Variants in FSCN2 observed in about 807,000 individuals in gnomAD.
FSCN2 encodes fascin actin-bundling protein 2, retinal.
In FSCN2, 46 loss-of-function variants were observed where a neutral mutation model predicts 37.8. The ratio of observed to expected loss-of-function variants is 1.22; its 90% CI spans 0.96 to 1.56. The LOEUF (loss-of-function observed/expected upper bound fraction) is 1.56. Ranked by LOEUF, FSCN2 falls within the 40% of genes most tolerant of loss-of-function variation. The pLI, the probability that FSCN2 is intolerant of heterozygous loss-of-function variation, is 0.00. For synonymous variants in FSCN2, 351 were observed against 309.4 expected, an observed-to-expected ratio of 1.13 and a Z score of -1.41; for missense variants, 844 against 730.4, an observed-to-expected ratio of 1.16 and a Z score of -1.79.
In FSCN2 at chr17:81,536,622, G is replaced by C; in HGVS notation, c.1106G>C (p.Gly369Ala). 3 of 1,608,934 alleles carry C rather than the reference G, an allele frequency of 1.9e-6. No individual in the cohort carries two copies. Among genetic ancestry groups the C allele is most frequent in the Non-Finnish European group, 2.5e-6 (3 of 1,179,652 alleles). ...GQLAAISDFV[G>A]KDEEFTLKLI... ...GCGCAGCAGACGCTCTCCCCGCCAG[G>C]CAAGGACGAAGAGTTCACCCTCAAG... The change falls in exon 4 of 5, where the codon GGC becomes GCC. Residue 369 changes from glycine (G) to alanine (A), a missense_variant and splice_region_variant. Transcript: ENST00000417245.
At chr17:81,524,471 G>T (rs2032289312), upstream of FSCN2, among the ~76,000 whole-genome samples, 1 of 152,244 alleles carries the variant, frequency 6.6e-6, no homozygotes, top group East Asian at 1.9e-4. Context: ...TCAGAGGTGG[G>T]CGAGGGTGGG....
the FSCN2 span, among the ~76,000 whole-genome samples, chr17:81,516,900 A>G: frequency 4.6e-3 from 699 of 151,852 alleles, 1 homozygote; most frequent in South Asian, 0.017. Flanking sequence ...GTTTTGTCCA[A>G]TTCTCACCTG....
In FSCN2 at chr17:81,536,605, G is replaced by T; in HGVS notation, c.1106-17G>T. ...AGGTGGCGGGAGGGGCAGCGCAGCA[G>T]ACGCTCTCCCCGCCAGGCAAGGACG... On this transcript the variant is annotated splice_polypyrimidine_tract_variant and intron_variant, in intron 3 of 4. Coordinates refer to ENST00000417245, the MANE Select transcript of FSCN2 (RefSeq NM_012418.4). 1.2e-6 allele frequency: 2 copies of T among 1,606,814 alleles called. No homozygotes were observed. Among genetic ancestry groups the T allele is most frequent in the Non-Finnish European group, 1.7e-6 (2 of 1,179,540 alleles).
Position 81,535,054 on chromosome 17 carries a change from G to A in FSCN2, c.829G>A (p.Val277Ile), listed in dbSNP as rs181420326. Residue 277 changes from valine (V) to isoleucine (I), a missense_variant and splice_region_variant, in exon 2 of 5, where the codon GTC (valine) becomes ATC (isoleucine). Coordinates refer to ENST00000417245, the MANE Select transcript of FSCN2 (RefSeq NM_012418.4). ...GCTTCCCCATCTCCTCCCTCCAGGG[G>A]TCAACGTCTCAGCCAATCAGGATGA... Reference protein sequence around the residue: ...NHRYVSVRQGVNVSANQDDEL... With the variant: ...NHRYVSVRQGINVSANQDDEL... 1.2e-3 allele frequency: 1,766 copies of A among 1,528,232 alleles called. 1 individual carries two copies. The highest frequency in any genetic ancestry group is 1.5e-3 in the Non-Finnish European group (1,658 of 1,142,562). 94.7% of individuals were successfully genotyped at this position (1,528,232 alleles called of 1,614,324 possible).
intron 1 of FSCN2, among the ~76,000 whole-genome samples, chr17:81,534,079 T>G (rs1403782919): frequency 6.6e-6 from 1 of 152,226 alleles, no homozygotes; most frequent in African/African-American, 2.4e-5. Flanking sequence ...TCGGTCACAG[T>G]GCAGGGGACA....
At position 81,536,864 on chromosome 17, in the gene FSCN2, C is replaced by G; in HGVS notation, c.1274-11C>G. On this transcript the variant is annotated splice_polypyrimidine_tract_variant and intron_variant, in intron 4 of 4. Coordinates refer to ENST00000417245, the MANE Select transcript of FSCN2 (RefSeq NM_012418.4). ...GGTGGGCACCCCCGCCGACGCCGTC[C>G]CGTCCCCCAGGCCGCGACGGAGGGT... is the stretch of plus-strand genomic sequence containing the variant. 2 of 1,563,180 alleles carry G rather than the reference C, an allele frequency of 1.3e-6. No homozygotes were observed. Among genetic ancestry groups the G allele is most frequent in the East Asian group, 4.7e-5 (2 of 42,576 alleles).
Position 81,535,222 on chromosome 17 carries a change from TCCCTTCCTCCTCCATCATC to T in FSCN2, c.983+18_983+36del. On this transcript the variant is annotated intron_variant, in intron 2 of 4. Coordinates refer to ENST00000417245, the MANE Select transcript of FSCN2 (RefSeq NM_012418.4). Reference sequence around the variant, plus strand: ...AGCCACACAAGTGTGAGTGCACACATCCCTTCCTCCTCCATCATCCCCATCCCCACCATCACCATCCCCA... The same window carrying T: ...AGCCACACAAGTGTGAGTGCACACATCCCATCCCCACCATCACCATCCCCA... 2 of 1,509,906 alleles carry T rather than the reference TCCCTTCCTCCTCCATCATC, an allele frequency of 1.3e-6. No individual in the cohort carries two copies. The highest frequency in any genetic ancestry group is 1.8e-6 in the Non-Finnish European group (2 of 1,130,074). 93.5% of individuals were successfully genotyped at this position (1,509,906 alleles called of 1,614,324 possible). A position where few individuals can be genotyped will look rare whatever the true frequency, so the allele number is the denominator to read the frequency against.
the FSCN2 span, among the ~76,000 whole-genome samples, chr17:81,520,394 C>A: frequency 6.6e-6 from 1 of 152,178 alleles, no homozygotes; most frequent in Non-Finnish European, 1.5e-5. Context: ...CCTGGGGAGC[C>A]CCCTATGCCT....
At chr17:81,532,744 TGAC>T (rs1285505285) in intron 1 of FSCN2, among the ~76,000 whole-genome samples, 23 of 148,720 alleles carry the variant, frequency 1.5e-4, no homozygotes, top group African/African-American at 5.9e-4. Context: ...ATGGTGATGA[TGAC>T]AGTGATGATG....
chr17:81,531,902 A>G (rs1271680742), intron 1 of FSCN2, among the ~76,000 whole-genome samples: 538 of 52,998 alleles, frequency 0.01, no homozygotes, highest in Middle Eastern at 0.017. Context: ...TGATGGTGAT[A>G]GTGATGGTGA....
At chr17:81,524,160 T>C (rs11654454), upstream of FSCN2, among the ~76,000 whole-genome samples, 58,776 of 152,124 alleles carry the variant, frequency 0.39, 11,839 homozygotes, top group African/African-American at 0.46. Flanking sequence ...GGACACCAGG[T>C]GCCGGTGGGG....
intron 1 of FSCN2, among the ~76,000 whole-genome samples, chr17:81,531,537 GTGA>G (rs1371838931): frequency 9.2e-5 from 11 of 119,986 alleles, no homozygotes; most frequent in South Asian, 2.9e-4. Context: ...GGCGATGGTG[GTGA>G]TGATGGTGAT....
intron 1 of FSCN2, among the ~76,000 whole-genome samples, chr17:81,534,319 C>T (rs2032783209): frequency 6.6e-6 from 1 of 152,172 alleles, no homozygotes; most frequent in South Asian, 2.1e-4. Flanking sequence ...GCTGGACAGG[C>T]CACCAGAGTC....
intron 1 of FSCN2, among the ~76,000 whole-genome samples, chr17:81,530,961 G>A (rs1442682144): frequency 6.6e-6 from 1 of 152,268 alleles, no homozygotes; most frequent in African/African-American, 2.4e-5. Context: ...TGGGACAGTG[G>A]CAGTGAGAAT....
rs761543844 is a variant in FSCN2 at position 81,537,012 on chromosome 17, G to C, written c.1411G>C (p.Gly471Arg). The C allele has an allele frequency of 1.1e-5, 16 of 1,506,708 alleles. No homozygotes were observed. The South Asian group carries it at 2.0e-4, about 19-fold the overall frequency. 93.3% of individuals were successfully genotyped at this position (1,506,708 alleles called of 1,614,324 possible). The stretch of plus-strand genomic sequence containing the variant: ...CGCCCGGAGCGGCAAGTACCTGCGC[G>C]GCGGCGCCTCGGGCCTGCTGCGGGC... Reference protein sequence around the residue: ...IRARSGKYLRGGASGLLRADA... With the variant: ...IRARSGKYLRRGASGLLRADA... Residue 471 changes from glycine (G) to arginine (R), a missense_variant, in exon 5 of 5, where the codon GGC (glycine) becomes CGC (arginine). Transcript: ENST00000417245.
In FSCN2 at chr17:81,531,564, A is replaced by ATGATAG. The variant is rs1313358547; in HGVS notation, c.826+2212_826+2217dup. On this transcript the variant is annotated intron_variant, in intron 1 of 4. Transcript: ENST00000417245. ...GATGATGGTGATGGCGATGATGGTG[A>ATGATAG]TGATAGTGATGGTGATGATGGTGAT... Among the ~76,000 whole-genome samples the ATGATAG allele has an allele frequency of 2.0e-3, 166 of 83,260 alleles. 1 individual carries two copies. Among genetic ancestry groups the ATGATAG allele is most frequent in the African/African-American group, 5.9e-3 (137 of 23,242 alleles). The allele number at this position is 83,260 out of a possible 152,430, so 54.6% of individuals were successfully genotyped here. A position where few individuals can be genotyped will look rare whatever the true frequency, so the allele number is the denominator to read the frequency against.
At chr17:81,527,030 CCT>C (rs1365170142), upstream of FSCN2, 4 of 152,232 alleles carry the variant, frequency 2.6e-5, no homozygotes, top group African/African-American at 9.7e-5. Flanking sequence ...GGACAGGTCT[CCT>C]CTTTTTCCTC....
At chr17:81,534,601 G>A (rs2032790611) in intron 1 of FSCN2, among the ~76,000 whole-genome samples, 1 of 151,892 alleles carries the variant, frequency 6.6e-6, no homozygotes, top group South Asian at 2.1e-4. Flanking sequence ...AGGTGACAGG[G>A]ACCAGCCCCT....
In FSCN2 at chr17:81,535,113, T is replaced by A; in HGVS notation, c.888T>A (p.Ile296=). ...ELDHETFLMQ[I]DQETKKCTFY... is the part of the protein sequence containing the mutation. ...ACCACGAGACCTTCCTGATGCAAAT[T>A]GACCAGGAGACAAAGAAGTGCACCT... The change falls in exon 2 of 5, where the codon ATT becomes ATA. Residue 296 remains isoleucine (I), a synonymous_variant. Transcript: ENST00000417245. 6.5e-7 allele frequency: 1 copy of A among 1,532,898 alleles called. No homozygotes were observed. The highest frequency in any genetic ancestry group is 8.7e-7 in the Non-Finnish European group (1 of 1,144,426). 95.0% of individuals were successfully genotyped at this position (1,532,898 alleles called of 1,614,324 possible).
Sources: gnomAD v4.1 joint callset for allele counts (sites outside exome capture counted in the v4.1 genomes callset) on GRCh38, gnomAD v4.1.1 for gene constraint, MANE v1.5 for transcripts, NCBI Gene and HGNC (gene_info 2026-07-23, HGNC 2026-07-21) for gene names.